NUFIP1: variants seen among roughly 807,000 people sequenced by gnomAD.
The protein encoded by NUFIP1 is FMR1-interacting protein NUFIP1.
NUFIP1 carries 38 observed loss-of-function variants against 56.2 expected under a neutral mutation model. That is an observed-to-expected ratio of 0.68 (90% confidence interval 0.52 to 0.89). The LOEUF is 0.89. Among genes scored for constraint, NUFIP1 ranks in the 40% least tolerant of loss-of-function variants. NUFIP1 has a pLI of 0.00. For missense variants in NUFIP1, 567 were observed against 605.8 expected (o/e 0.94, Z 0.67); for synonymous variants, 215 against 212.4 (o/e 1.01, Z -0.10).
At chr13:44,978,005 C>T (rs747235235) in intron 5 of NUFIP1, among the ~76,000 whole-genome samples, 112 of 152,242 alleles carry the variant, frequency 7.4e-4, no homozygotes, top group Non-Finnish European at 1.3e-3. Context: ...GCTGAGATTG[C>T]GCCACTGCAC....
Position 44,968,410 on chromosome 13 carries a change from A to G in NUFIP1, c.735-2474T>C, listed in dbSNP as rs866809989. Among the ~76,000 whole-genome samples, 642 of 151,738 alleles carry G rather than the reference A, an allele frequency of 4.2e-3. 2 individuals carry two copies. Among genetic ancestry groups the G allele is most frequent in the African/African-American group, 0.014 (587 of 41,508 alleles). On this transcript the variant is annotated intron_variant, in intron 5 of 9. Coordinates refer to ENST00000379161, the MANE Select transcript of NUFIP1 (RefSeq NM_012345.3). ...AAACTAAAGGAACACTGAGAAGAAA[A>G]AAAAAAAAAAAAGACTTGGAAGGGA...
intron 9 of NUFIP1, 84 bp from the exon 10 acceptor site, chr13:44,941,406 C>T: frequency 1.4e-6 from 1 of 732,036 alleles, no homozygotes; most frequent in Non-Finnish European, 2.3e-6. Context: ...GTACCCTCAC[C>T]ATATAAAGAA....
intron 9 of NUFIP1, 55 bp from the exon 10 acceptor site, chr13:44,941,377 A>T (rs1870730198): frequency 2.0e-6 from 2 of 1,013,392 alleles, no homozygotes; most frequent in Admixed American, 2.0e-5. Context: ...TCTGGGAAAT[A>T]CAATCTAAAA....
chr13:44,965,650 C>T (rs563432441), intron 6 of NUFIP1, among the ~76,000 whole-genome samples, 194 bp downstream of exon 6: 9 of 152,092 alleles, frequency 5.9e-5, no homozygotes, highest in Admixed American at 2.0e-4. Flanking sequence ...GCCGAGATGG[C>T]GCCACTGCAC....
chr13:44,976,279 T>C (rs1871972229), intron 5 of NUFIP1, among the ~76,000 whole-genome samples: 1 of 138,488 alleles, frequency 7.2e-6, no homozygotes, highest in Non-Finnish European at 1.6e-5. Context: ...ATGCAAAAAA[T>C]GAAAGAAGAA....
At chr13:44,960,772 G>A (rs549304527) in intron 6 of NUFIP1, among the ~76,000 whole-genome samples, 2 of 152,218 alleles carry the variant, frequency 1.3e-5, no homozygotes, top group South Asian at 4.1e-4. Context: ...TAGAAAGAAA[G>A]CAAGTATTGG....
chr13:44,969,549 T>A (rs1009948346), intron 5 of NUFIP1, among the ~76,000 whole-genome samples: 1 of 152,210 alleles, frequency 6.6e-6, no homozygotes, highest in African/African-American at 2.4e-5. Context: ...TTTTCTATAT[T>A]TTTATCTACT....
chr13:44,989,196 AG>A lies in NUFIP1; in HGVS notation c.240del (p.Phe81SerfsTer122). 3 of 1,610,746 alleles carry A rather than the reference AG, an allele frequency of 1.9e-6. No homozygotes were observed. Among genetic ancestry groups the A allele is most frequent in the Non-Finnish European group, 1.7e-6 (2 of 1,178,678 alleles). The stretch of plus-strand genomic sequence containing the variant: ...GCCCCGGGAAGAATCTGGGCGTCGA[AG>A]GGGGGCGGAGCCCCGGGGAGAGACT... ...EAQSLPGAPP[P>X]FDAQILPGAQ... On this transcript the variant is annotated frameshift_variant, in exon 1 of 10. Coordinates refer to ENST00000379161, the MANE Select transcript of NUFIP1 (RefSeq NM_012345.3). LOFTEE classifies it high-confidence loss of function.
At chr13:44,965,745 A>C in intron 6 of NUFIP1, 99 bp downstream of exon 6, 1 of 490,256 alleles carries the variant, frequency 2.0e-6, no homozygotes, top group Non-Finnish European at 3.5e-6. Context: ...TTTTTAAGTA[A>C]ATAAGTTACA....
intron 5 of NUFIP1, among the ~76,000 whole-genome samples, chr13:44,969,605 G>A (rs1871734199): frequency 6.6e-6 from 1 of 152,060 alleles, no homozygotes; most frequent in Non-Finnish European, 1.5e-5. Flanking sequence ...AGTTCACTAA[G>A]AGGAAATGGT....
intron 5 of NUFIP1, among the ~76,000 whole-genome samples, chr13:44,972,226 A>G (rs995113449): frequency 6.6e-6 from 1 of 152,246 alleles, no homozygotes; most frequent in African/African-American, 2.4e-5. Context: ...GTTTATGAAG[A>G]CTTTATATAA....
chr13:44,973,453 T>C (rs1304822715), intron 5 of NUFIP1, among the ~76,000 whole-genome samples: 1 of 152,236 alleles, frequency 6.6e-6, no homozygotes, highest in Non-Finnish European at 1.5e-5. Context: ...CTTACTTGTG[T>C]GTACCAAAAC....
At chr13:44,944,134 T>C (rs909592751) in intron 8 of NUFIP1, among the ~76,000 whole-genome samples, 2 of 152,182 alleles carry the variant, frequency 1.3e-5, no homozygotes, top group African/African-American at 2.4e-5. Context: ...ATGTAAGTAG[T>C]ATACACTGTA....
intron 5 of NUFIP1, among the ~76,000 whole-genome samples, chr13:44,975,609 G>A (rs1040603112): frequency 6.6e-6 from 1 of 152,062 alleles, no homozygotes; most frequent in Non-Finnish European, 1.5e-5. Flanking sequence ...ACAGTTCCTT[G>A]AACATGCTAA....
chr13:44,943,602 G>A lies in NUFIP1; in HGVS notation c.1211C>T (p.Pro404Leu). 1 of 1,613,892 alleles carries A rather than the reference G, an allele frequency of 6.2e-7. No individual in the cohort carries two copies. The highest frequency in any genetic ancestry group is 8.5e-7 in the Non-Finnish European group (1 of 1,179,958). ...AACAGTTGCTTTAACATCTTGACTTGGACTCTTAGGAGCACTGCTATCAAG... is the reference window on the plus strand; with the variant it reads ...AACAGTTGCTTTAACATCTTGACTTAGACTCTTAGGAGCACTGCTATCAAG... ...QVLDSSAPKS[P>L]SQDVKATVRN... Residue 404 changes from proline to leucine, a missense_variant, in exon 9 of 10, where the codon CCA (proline) becomes CTA (leucine). Physicochemically the swap from Pro to Leu is moderately conservative, Grantham distance 98. Coordinates refer to ENST00000379161, the MANE Select transcript of NUFIP1 (RefSeq NM_012345.3).
intron 9 of NUFIP1, among the ~76,000 whole-genome samples, chr13:44,942,200 TC>T (rs1213976176): frequency 2.0e-5 from 3 of 152,216 alleles, no homozygotes; most frequent in Non-Finnish European, 2.9e-5. Context: ...AGTAAAAACT[TC>T]CAACATTCCT....
intron 8 of NUFIP1, among the ~76,000 whole-genome samples, chr13:44,945,214 T>C (rs983244736): frequency 1.1e-4 from 16 of 151,916 alleles, no homozygotes; most frequent in Admixed American, 6.6e-5. Context: ...CCTACAGATA[T>C]CACAGGAAAT....
intron 8 of NUFIP1, among the ~76,000 whole-genome samples, chr13:44,945,236 T>C (rs1198329602): frequency 2.0e-5 from 3 of 151,966 alleles, no homozygotes; most frequent in Admixed American, 1.3e-4. Flanking sequence ...TTATGAACTA[T>C]ATACCAATAA....
intron 9 of NUFIP1, among the ~76,000 whole-genome samples, chr13:44,941,703 C>T (rs529825893): frequency 5.5e-4 from 83 of 151,014 alleles, no homozygotes; most frequent in African/African-American, 1.9e-3. Context: ...TTAGTAGAAA[C>T]GGGGTTTCAC....
Sources: allele counts gnomAD v4.1 joint callset (sites outside exome capture counted in the v4.1 genomes callset), GRCh38; gene constraint gnomAD v4.1.1; transcripts MANE v1.5; gene names NCBI Gene and HGNC (gene_info 2026-07-23, HGNC 2026-07-21).